KIRREL3: variants seen among roughly 807,000 people sequenced by gnomAD.
The protein encoded by KIRREL3 is kin of IRRE-like protein 3.
Under a neutral mutation model 89.7 loss-of-function variants are expected in KIRREL3, and 36 were observed. The observed-to-expected ratio is 0.40, with a 90% CI of 0.31 to 0.53. KIRREL3 has a LOEUF of 0.53. Ranked by LOEUF, KIRREL3 falls within the 20% of genes least tolerant of loss-of-function variation. The pLI, the probability that KIRREL3 is intolerant of heterozygous loss-of-function variation, is 0.49. For missense variants in KIRREL3, 864 were observed against 1,056.6 expected (o/e 0.82, Z 2.53); for synonymous variants, 445 against 441.4 (o/e 1.01, Z -0.10).
rs1213460549 is a variant in KIRREL3, at chr11:126,764,535, G to A, written c.56-201623C>T. Among the ~76,000 whole-genome samples the A allele has an allele frequency of 2.6e-5, 4 of 152,118 alleles. No homozygotes were observed. Among genetic ancestry groups the A allele is most frequent in the Non-Finnish European group, 4.4e-5 (3 of 68,032 alleles). ...CTCAACAACCTTCTTTGCTGCACCC[G>A]CCGCTGCCTCATGAGGTTCCTGGCA... is the stretch of plus-strand genomic sequence containing the variant. On this transcript the variant is annotated intron_variant, in intron 1 of 16. Transcript: ENST00000525144. This position sits in a 1 kb window ranked among gnomAD's most constrained non-coding sequence, Gnocchi z 4.2.
At chr11:126,572,031 C>G (rs956401471) in intron 1 of KIRREL3, among the ~76,000 whole-genome samples, 4 of 152,198 alleles carry the variant, frequency 2.6e-5, no homozygotes, top group Non-Finnish European at 5.9e-5. Context: ...GAAGTCGTGA[C>G]TAGTGTTTGA....
chr11:126,857,450 A>G (rs1944556638), intron 1 of KIRREL3, among the ~76,000 whole-genome samples: 1 of 152,204 alleles, frequency 6.6e-6, no homozygotes, highest in Non-Finnish European at 1.5e-5. Flanking sequence ...TACATCCTAG[A>G]GCTTCCCAGC....
At chr11:126,514,516 A>G (rs912698214) in intron 4 of KIRREL3, among the ~76,000 whole-genome samples, 4 of 152,186 alleles carry the variant, frequency 2.6e-5, no homozygotes, top group Admixed American at 6.5e-5. Flanking sequence ...GTCTCATAAC[A>G]TTGTGCAATA....
chr11:126,866,678 A>T (rs1048294374), intron 1 of KIRREL3, among the ~76,000 whole-genome samples: 15 of 151,930 alleles, frequency 9.9e-5, no homozygotes, highest in Non-Finnish European at 1.9e-4. Flanking sequence ...CCAGCCTATA[A>T]AAACCCCGAG....
chr11:126,424,566 G>A lies in KIRREL3; in HGVS notation c.*14C>T, dbSNP rs372453325. 147 of 1,612,028 alleles carry A rather than the reference G, an allele frequency of 9.1e-5. No individual in the cohort carries two copies. The highest frequency in any genetic ancestry group is 2.0e-4 in the South Asian group (18 of 91,046). ...CCTCTTCCCTGGCCCGTCCCCACCC[G>A]CGGTGTGTGATCCTTAGACGTGAGT... On this transcript the variant is annotated 3_prime_UTR_variant, in exon 17 of 17. Transcript: ENST00000525144.
At chr11:126,730,902 C>T (rs1321700838) in intron 1 of KIRREL3, among the ~76,000 whole-genome samples, 1 of 152,036 alleles carries the variant, frequency 6.6e-6, no homozygotes, top group South Asian at 2.1e-4. Flanking sequence ...CCACGCCTGG[C>T]TAATTTTTTT....
At position 126,896,353 on chromosome 11, in the gene KIRREL3, T is replaced by C. The variant is rs1946158373; in HGVS notation, c.55+104102A>G. On this transcript the variant is annotated intron_variant, in intron 1 of 16. Coordinates refer to ENST00000525144, the MANE Select transcript of KIRREL3 (RefSeq NM_032531.4). The surrounding 1 kb of genome is among the most constrained non-coding windows in gnomAD (Gnocchi z 4.1). ...GCATCTCCCAGAAAACCTGAGCAGG[T>C]CAGGGGCTTCTCTGACTCCTCTCCA... Among the ~76,000 whole-genome samples, 2 of 152,170 alleles carry C rather than the reference T, an allele frequency of 1.3e-5. No homozygotes were observed. The highest frequency in any genetic ancestry group is 1.3e-4 in the Admixed American group (2 of 15,278).
intron 1 of KIRREL3, among the ~76,000 whole-genome samples, chr11:126,979,378 T>C (rs776348105): frequency 6.6e-6 from 1 of 152,208 alleles, no homozygotes; most frequent in African/African-American, 2.4e-5. Flanking sequence ...AAGAACAACA[T>C]TACAATAGCT....
At position 126,521,926 on chromosome 11, in the gene KIRREL3, T is replaced by C. The variant is rs1371641741; in HGVS notation, c.284-462A>G. On this transcript the variant is annotated intron_variant, in intron 3 of 16. Transcript: ENST00000525144. The surrounding 1 kb of genome is among the most constrained non-coding windows in gnomAD (Gnocchi z 4.1). Reference sequence around the variant, plus strand: ...CGTCGGCTAATTTTTTTATCTTTTGTAGAGATGGGATCTCACTATGTCACC... The same window carrying C: ...CGTCGGCTAATTTTTTTATCTTTTGCAGAGATGGGATCTCACTATGTCACC... 6.6e-6 allele frequency among the ~76,000 whole-genome samples: 1 copy of C among 152,090 alleles called. No homozygotes were observed.
At chr11:126,941,733 T>G (rs1381717928) in intron 1 of KIRREL3, among the ~76,000 whole-genome samples, 1 of 152,230 alleles carries the variant, frequency 6.6e-6, no homozygotes, top group African/African-American at 2.4e-5. Flanking sequence ...GTGGGCTGGA[T>G]GAAGGGTGCT....
chr11:126,615,760 G>T lies in KIRREL3; in HGVS notation c.56-52848C>A, dbSNP rs1943319018. Among the ~76,000 whole-genome samples the T allele has an allele frequency of 6.6e-6, 1 of 152,210 alleles. No homozygotes were observed. Among genetic ancestry groups the T allele is most frequent in the Non-Finnish European group, 1.5e-5 (1 of 68,024 alleles). On this transcript the variant is annotated intron_variant, in intron 1 of 16. Coordinates refer to ENST00000525144, the MANE Select transcript of KIRREL3 (RefSeq NM_032531.4). The surrounding 1 kb of genome is among the most constrained non-coding windows in gnomAD (Gnocchi z 5.4). ...AGTGAGGTGTTGGCCCGGTCCAGAG[G>T]CAGAGCCTTACTACCTTTGGCTACA...
chr11:126,941,878 C>T (rs752414985), intron 1 of KIRREL3, among the ~76,000 whole-genome samples: 33 of 152,162 alleles, frequency 2.2e-4, no homozygotes, highest in Non-Finnish European at 4.3e-4. Flanking sequence ...TTCTGTTGTG[C>T]CCTTTATTCA....
chr11:126,902,151 T>C (rs1158420833), intron 1 of KIRREL3, among the ~76,000 whole-genome samples: 1 of 152,204 alleles, frequency 6.6e-6, no homozygotes, highest in African/African-American at 2.4e-5. Context: ...GGTCTCATCA[T>C]CCTGGAACAT....
chr11:126,953,589 T>TACAC lies in KIRREL3; in HGVS notation c.55+46862_55+46865dup, dbSNP rs1317822666. Among the ~76,000 whole-genome samples, 2 of 143,424 alleles carry TACAC rather than the reference T, an allele frequency of 1.4e-5. No individual in the cohort carries two copies. Among genetic ancestry groups the TACAC allele is most frequent in the East Asian group, 2.1e-4 (1 of 4,854 alleles). 94.1% of individuals were successfully genotyped at this position (143,424 alleles called of 152,430 possible). The stretch of plus-strand genomic sequence containing the variant: ...ATCATGGATGCAAATGTGGATCAAA[T>TACAC]ACACACACACACACTTGGGAGAGAT... On this transcript the variant is annotated intron_variant, in intron 1 of 16. Transcript: ENST00000525144. The surrounding 1 kb of genome is among the most constrained non-coding windows in gnomAD (Gnocchi z 5.2).
chr11:126,919,003 A>G (rs1947158447), intron 1 of KIRREL3, among the ~76,000 whole-genome samples: 1 of 149,490 alleles, frequency 6.7e-6, no homozygotes. Flanking sequence ...TTTGTATTAT[A>G]TATATGTATA....
chr11:126,605,273 G>C lies in KIRREL3; in HGVS notation c.56-42361C>G, dbSNP rs1354946399. Among the ~76,000 whole-genome samples the C allele has an allele frequency of 6.6e-6, 1 of 152,182 alleles. No homozygotes were observed. The highest frequency in any genetic ancestry group is 1.5e-5 in the Non-Finnish European group (1 of 68,038). ...CTCCTTAGTCACTGCCAGGATTCCA[G>C]GCAGGTATAATGTGCTGCACTTAAT... is the stretch of plus-strand genomic sequence containing the variant. On this transcript the variant is annotated intron_variant, in intron 1 of 16. Coordinates refer to ENST00000525144, the MANE Select transcript of KIRREL3 (RefSeq NM_032531.4). The surrounding 1 kb of genome is among the most constrained non-coding windows in gnomAD (Gnocchi z 5.7).
chr11:126,853,712 A>G (rs1944413609), intron 1 of KIRREL3, among the ~76,000 whole-genome samples: 1 of 152,074 alleles, frequency 6.6e-6, no homozygotes, highest in Non-Finnish European at 1.5e-5. Flanking sequence ...TGAAAAAGTA[A>G]TTCTCAAAAT....
At chr11:126,713,548 G>A (rs1226264477) in intron 1 of KIRREL3, among the ~76,000 whole-genome samples, 2 of 152,214 alleles carry the variant, frequency 1.3e-5, no homozygotes, top group Non-Finnish European at 2.9e-5. Flanking sequence ...GGACAGGGCT[G>A]CGCTGCCTGA....
Position 126,501,490 on chromosome 11 carries a change from GTCC to G in KIRREL3, c.433+19822_433+19824del, listed in dbSNP as rs1056556097. Among the ~76,000 whole-genome samples the G allele has an allele frequency of 2.6e-5, 4 of 152,124 alleles. No individual in the cohort carries two copies. Among genetic ancestry groups the G allele is most frequent in the African/African-American group, 7.2e-5 (3 of 41,412 alleles). On this transcript the variant is annotated intron_variant, in intron 4 of 16. Coordinates refer to ENST00000525144, the MANE Select transcript of KIRREL3 (RefSeq NM_032531.4). The surrounding 1 kb of genome is among the most constrained non-coding windows in gnomAD (Gnocchi z 5.8). ...CAGATTCTACCGCAGCCCGTCCTGG[GTCC>G]TGTTGATGTGCTACACATTGCAGGG...
Sources: allele counts gnomAD v4.1 joint callset (sites outside exome capture counted in the v4.1 genomes callset), GRCh38; gene constraint gnomAD v4.1.1; non-coding constraint Gnocchi (gnomAD v3.1); transcripts MANE v1.5; gene names NCBI Gene and HGNC (gene_info 2026-07-23, HGNC 2026-07-21).